TAS2R1: variants seen among roughly 807,000 people sequenced by gnomAD.
The protein encoded by TAS2R1 is taste receptor type 2 member 1.
For synonymous variants in TAS2R1, 141 were observed against 134.2 expected, an observed-to-expected ratio of 1.05 and a Z score of -0.35; for missense variants, 370 against 353.4, an observed-to-expected ratio of 1.05 and a Z score of -0.38.
chr5:9,721,068 C>T, the TAS2R1 span, among the ~76,000 whole-genome samples: 1 of 152,224 alleles, frequency 6.6e-6, no homozygotes, highest in African/African-American at 2.4e-5. Flanking sequence ...CCATGTGCAA[C>T]CTGCTTACCT....
intron 1 of TAS2R1, among the ~76,000 whole-genome samples, chr5:9,674,934 T>G (rs1188778918): frequency 6.6e-6 from 1 of 151,988 alleles, no homozygotes; most frequent in Non-Finnish European, 1.5e-5. Flanking sequence ...GACATTCTTG[T>G]GTATGTAAAA....
At chr5:9,831,279 T>C in the TAS2R1 span, among the ~76,000 whole-genome samples, 3 of 152,128 alleles carry the variant, frequency 2.0e-5, no homozygotes, top group African/African-American at 4.8e-5. Context: ...AGTAGTATTA[T>C]ATCATGAGGA....
the TAS2R1 span, among the ~76,000 whole-genome samples, chr5:9,775,554 G>T: frequency 6.6e-6 from 1 of 152,174 alleles, no homozygotes; most frequent in South Asian, 2.1e-4. Flanking sequence ...CTGAAGCCAG[G>T]ATGTTTCTGA....
chr5:9,653,251 C>A (rs1229838252), intron 2 of TAS2R1, among the ~76,000 whole-genome samples: 1 of 152,206 alleles, frequency 6.6e-6, no homozygotes, highest in East Asian at 1.9e-4. Context: ...TTGTAACATA[C>A]GTCAGAATGT....
chr5:9,669,374 GT>G (rs1408314244), intron 1 of TAS2R1, among the ~76,000 whole-genome samples: 2 of 152,010 alleles, frequency 1.3e-5, no homozygotes, highest in African/African-American at 4.8e-5. Flanking sequence ...ACTAACAAAC[GT>G]TTTCAGGACT....
At chr5:9,768,318 T>C in the TAS2R1 span, among the ~76,000 whole-genome samples, 1 of 152,152 alleles carries the variant, frequency 6.6e-6, no homozygotes, top group African/African-American at 2.4e-5. Flanking sequence ...TTCATTGTAT[T>C]CACAAAATCC....
the TAS2R1 span, among the ~76,000 whole-genome samples, chr5:9,811,494 A>C: frequency 6.6e-6 from 1 of 152,252 alleles, no homozygotes; most frequent in South Asian, 2.1e-4. Context: ...CAAAGGCTAC[A>C]AGCTAGGACA....
the TAS2R1 span, among the ~76,000 whole-genome samples, chr5:9,852,730 T>G: frequency 6.6e-6 from 1 of 152,232 alleles, no homozygotes; most frequent in Non-Finnish European, 1.5e-5. Flanking sequence ...ATACGTGGGT[T>G]CATTCACAGC....
At chr5:9,893,977 A>G in the TAS2R1 span, among the ~76,000 whole-genome samples, 1 of 152,228 alleles carries the variant, frequency 6.6e-6, no homozygotes, top group African/African-American at 2.4e-5. Context: ...ACGAAAGTTC[A>G]TCTGTTAAAG....
chr5:9,820,529 A>C, the TAS2R1 span, among the ~76,000 whole-genome samples: 1 of 152,236 alleles, frequency 6.6e-6, no homozygotes, highest in East Asian at 1.9e-4. Flanking sequence ...CCAAGATTAT[A>C]TAATCCTTTT....
At chr5:9,886,033 CTTTTTTTT>C in the TAS2R1 span, among the ~76,000 whole-genome samples, 1 of 140,188 alleles carries the variant, frequency 7.1e-6, no homozygotes, top group Non-Finnish European at 1.6e-5. Context: ...TTATATAATT[CTTTTTTTT>C]TTTTTTTGGA....
chr5:9,805,902 T>C, the TAS2R1 span, among the ~76,000 whole-genome samples: 2 of 151,904 alleles, frequency 1.3e-5, no homozygotes, highest in African/African-American at 2.4e-5. Flanking sequence ...GCCAGAGCAA[T>C]TAGATAAGAG....
chr5:9,837,021 G>A, the TAS2R1 span, among the ~76,000 whole-genome samples: 1 of 152,124 alleles, frequency 6.6e-6, no homozygotes, highest in Non-Finnish European at 1.5e-5. Context: ...CACGTGACTG[G>A]TTGGCTGGCT....
At chr5:9,716,714 T>C (rs899579475), upstream of TAS2R1, among the ~76,000 whole-genome samples, 1 of 152,180 alleles carries the variant, frequency 6.6e-6, no homozygotes, top group Non-Finnish European at 1.5e-5. Flanking sequence ...ACCTTCTCTT[T>C]GTACTGTAAT....
the TAS2R1 span, among the ~76,000 whole-genome samples, chr5:9,761,373 C>A: frequency 6.7e-6 from 1 of 149,672 alleles, no homozygotes. Context: ...GTCAAATAGC[C>A]TAACTAGAGG....
At chr5:9,682,052 T>G (rs1741004959) in intron 1 of TAS2R1, among the ~76,000 whole-genome samples, 2 of 152,180 alleles carry the variant, frequency 1.3e-5, no homozygotes, top group Non-Finnish European at 1.5e-5. Flanking sequence ...ATCTTCAATA[T>G]GATCACAGTA....
chr5:9,776,873 A>G, the TAS2R1 span, among the ~76,000 whole-genome samples: 1,172 of 152,328 alleles, frequency 7.7e-3, 7 homozygotes, highest in Non-Finnish European at 0.011. Context: ...CAATAAAGTG[A>G]GTCATATGAA....
chr5:9,734,219 C>A, the TAS2R1 span, among the ~76,000 whole-genome samples: 1 of 152,142 alleles, frequency 6.6e-6, no homozygotes, highest in Non-Finnish European at 1.5e-5. Flanking sequence ...TCTGCTGGCA[C>A]CTTGATATCA....
chr5:9,865,754 A>G, the TAS2R1 span, among the ~76,000 whole-genome samples: 1 of 152,224 alleles, frequency 6.6e-6, no homozygotes, highest in Non-Finnish European at 1.5e-5. Flanking sequence ...GTTTCCCATC[A>G]CAAGTCAGTT....
Sources: allele counts gnomAD v4.1 joint callset (sites outside exome capture counted in the v4.1 genomes callset), GRCh38; gene constraint gnomAD v4.1.1; transcripts MANE v1.5; gene names NCBI Gene and HGNC (gene_info 2026-07-23, HGNC 2026-07-21).